The following CENPT variants were observed in gnomAD, a reference collection of about 807,000 sequenced individuals.
The protein encoded by CENPT is interphase centromere complex protein 22.
A neutral mutation model predicts 59.7 loss-of-function variants in CENPT; 42 were observed. That is an observed-to-expected ratio of 0.70 (90% CI 0.55 to 0.91). The LOEUF (loss-of-function observed/expected upper bound fraction) is 0.91. Among genes scored for constraint, CENPT ranks in the 40% least tolerant of loss-of-function variants. CENPT has a pLI of 0.00. For missense variants in CENPT, 716 were observed against 713.4 expected (o/e 1.00, Z -0.04); for synonymous variants, 295 against 289.6 (o/e 1.02, Z -0.19).
intron 12 of CENPT, 71 bp downstream of exon 12, chr16:67,829,694 G>C (rs2057663139): frequency 1.3e-6 from 2 of 1,518,386 alleles, no homozygotes; most frequent in East Asian, 4.5e-5. Flanking sequence ...ACACAACCCA[G>C]ACAAGGCCTT....
chr16:67,838,530 G>A (rs2057744619), intron 1 of CENPT, among the ~76,000 whole-genome samples: 2 of 151,864 alleles, frequency 1.3e-5, no homozygotes, highest in African/African-American at 4.8e-5. Context: ...GCTGAGGCAG[G>A]AGAATGGCTT....
chr16:67,841,190 T>C (rs188574124), intron 1 of CENPT, among the ~76,000 whole-genome samples: 310 of 70,024 alleles, frequency 4.4e-3, no homozygotes, highest in Non-Finnish European at 5.9e-3. Flanking sequence ...TGAGACTCCT[T>C]TACAAAAAAA....
At chr16:67,845,907 G>A (rs2057794692) in intron 1 of CENPT, among the ~76,000 whole-genome samples, 1 of 152,214 alleles carries the variant, frequency 6.6e-6, no homozygotes, top group African/African-American at 2.4e-5. Flanking sequence ...CCTGTGGGTG[G>A]GGGAAGGTGC....
At chr16:67,837,409 G>C (rs1053747932) in intron 1 of CENPT, among the ~76,000 whole-genome samples, 7 of 144,018 alleles carry the variant, frequency 4.9e-5, no homozygotes, top group African/African-American at 1.8e-4. Flanking sequence ...TTTCAAAAAA[G>C]ATTAAAACAT....
Position 67,841,010 on chromosome 16 carries a change from C to CAT in CENPT, c.-491-5354_-491-5353dup, listed in dbSNP as rs66882634. On this transcript the variant is annotated intron_variant, in intron 1 of 15. Transcript: ENST00000562787. Reference sequence around the variant, plus strand: ...CCCCGTCTCTACTAAATACAAAATACATATATATATATATATATATATATA... The same window carrying CAT: ...CCCCGTCTCTACTAAATACAAAATACATATATATATATATATATATATATATA... Among the ~76,000 whole-genome samples the CAT allele has an allele frequency of 7.2e-3, 792 of 109,288 alleles. 2 individuals are homozygous for CAT. The highest frequency in any genetic ancestry group is 0.01 in the Middle Eastern group (2 of 200). The allele number at this position is 109,288 out of a possible 152,430, so 71.7% of individuals were successfully genotyped here.
chr16:67,835,922 A>T (rs2151287157), intron 1 of CENPT, among the ~76,000 whole-genome samples: 2 of 151,424 alleles, frequency 1.3e-5, no homozygotes, highest in East Asian at 3.9e-4. Context: ...ACGCCCAGCT[A>T]ATTTTTGTAT....
In CENPT at chr16:67,842,525, G is replaced by T; in HGVS notation, c.-492+4876C>A. On this transcript the variant is annotated intron_variant, in intron 1 of 15. Coordinates refer to ENST00000562787, the MANE Select transcript of CENPT (RefSeq NM_025082.4). The surrounding 1 kb of genome is among the most constrained non-coding windows in gnomAD (Gnocchi z 4.9). ...GGCCGTCGAAGAGCGCAGGAGGCCG[G>T]TGGGCCGGGCCGGGCCGCGCGGCGC... 1 of 1,475,762 alleles carries T rather than the reference G, an allele frequency of 6.8e-7. No individual in the cohort carries two copies. The highest frequency in any genetic ancestry group is 1.3e-5 in the South Asian group (1 of 74,098). 91.4% of individuals were successfully genotyped at this position (1,475,762 alleles called of 1,614,324 possible).
chr16:67,830,103 G>A lies in CENPT; in HGVS notation c.863-15C>T. ...TTTCCCAGGGCCTGAGTGAAGGGGA[G>A]AGAATACAGGCCGGAGACGCAGCAG... On this transcript the variant is annotated splice_polypyrimidine_tract_variant and intron_variant, in intron 11 of 15. Transcript: ENST00000562787. The A allele has an allele frequency of 6.2e-7, 1 of 1,612,410 alleles. No homozygotes were observed. Among genetic ancestry groups the A allele is most frequent in the East Asian group, 2.2e-5 (1 of 44,878 alleles).
chr16:67,830,998 A>G (rs2057681756), intron 10 of CENPT: 6 of 631,730 alleles, frequency 9.5e-6, no homozygotes, highest in South Asian at 1.9e-5. Flanking sequence ...CTCCAGCCCT[A>G]TAGTCTAAGG....
Position 67,831,860 on chromosome 16 carries a change from G to C in CENPT, c.417C>G (p.Pro139=). The stretch of plus-strand genomic sequence containing the variant: ...GCAGACCTGGAGCCAGGGTTGTGGG[G>C]GGCTCGAGCTCAGGAAGTTGCAGCT... The part of the protein sequence containing the change: ...SLELQLPELE[P]PTTLAPGLLA... Residue 139 remains proline (P), a synonymous_variant, in exon 8 of 16, where the codon CCC becomes CCG. Transcript: ENST00000562787. 6.2e-7 allele frequency: 1 copy of C among 1,611,754 alleles called. No individual in the cohort carries two copies. The highest frequency in any genetic ancestry group is 8.5e-7 in the Non-Finnish European group (1 of 1,179,312).
Position 67,842,635 on chromosome 16 carries a change from A to G in CENPT, c.-492+4766T>C, listed in dbSNP as rs763532068. ...AGGCGCTGCACTTCTACACGTTTCC[A>G]AAGGACGCTGAGTTGCGGCGCCTCT... On this transcript the variant is annotated intron_variant, in intron 1 of 15. Coordinates refer to ENST00000562787, the MANE Select transcript of CENPT (RefSeq NM_025082.4). This position sits in a 1 kb window ranked among gnomAD's most constrained non-coding sequence, Gnocchi z 4.9. The G allele has an allele frequency of 4.9e-5, 76 of 1,553,522 alleles. No homozygotes were observed. The highest frequency in any genetic ancestry group is 6.2e-5 in the Non-Finnish European group (71 of 1,148,180).
chr16:67,830,404 C>T lies in CENPT; in HGVS notation c.848G>A (p.Gly283Glu). The change falls in exon 11 of 16, where the codon GGG (glycine) becomes GAG (glutamate). Residue 283 changes from glycine to glutamate, a missense_variant. Transcript: ENST00000562787. ...CACACACTCACTATTCTTCTGCAGC[C>T]CAGGCCCACTGCTCTGTGTCTTGCG... ...AGRKTQSSGP[G>E]LQKNSPGKPA... is the part of the protein sequence containing the mutation. 1.2e-6 allele frequency: 2 copies of T among 1,610,844 alleles called. No homozygotes were observed. Among genetic ancestry groups the T allele is most frequent in the Non-Finnish European group, 1.7e-6 (2 of 1,178,824 alleles).
At position 67,843,154 on chromosome 16, in the gene CENPT, G is replaced by A. The variant is rs1260483865; in HGVS notation, c.-492+4247C>T. ...TGCAAGTGGAGTTTGCAGCCGCAGA[G>A]GGCGCAGCCGCTGCGGCCGCCGCGT... is the stretch of plus-strand genomic sequence containing the variant. On this transcript the variant is annotated intron_variant, in intron 1 of 15. Transcript: ENST00000562787. The surrounding 1 kb of genome is among the most constrained non-coding windows in gnomAD (Gnocchi z 5.7). 2 of 1,609,582 alleles carry A rather than the reference G, an allele frequency of 1.2e-6. No homozygotes were observed. The highest frequency in any genetic ancestry group is 8.5e-7 in the Non-Finnish European group (1 of 1,179,424).
At chr16:67,846,626 C>G (rs966914652) in intron 1 of CENPT, 1 of 152,424 alleles carries the variant, frequency 6.6e-6, no homozygotes, top group African/African-American at 2.4e-5. Flanking sequence ...AGTGCACAGA[C>G]TGGGCGGGGC....
Position 67,842,496 on chromosome 16 carries a change from A to G in CENPT, c.-492+4905T>C, listed in dbSNP as rs2057768749. The G allele has an allele frequency of 1.5e-6, 2 of 1,363,792 alleles. No individual in the cohort carries two copies. Among genetic ancestry groups the G allele is most frequent in the South Asian group, 1.6e-5 (1 of 62,268 alleles). The allele number at this position is 1,363,792 out of a possible 1,614,324, so 84.5% of individuals were successfully genotyped here. A position where few individuals can be genotyped will look rare whatever the true frequency, so the allele number is the denominator to read the frequency against. ...TCGAGGGGCGGGCGGCGGCGTAGCC[A>G]CTGGGCCGTCGAAGAGCGCAGGAGG... On this transcript the variant is annotated intron_variant, in intron 1 of 15. Transcript: ENST00000562787. The surrounding 1 kb of genome is among the most constrained non-coding windows in gnomAD (Gnocchi z 4.9).
intron 3 of CENPT, among the ~76,000 whole-genome samples, chr16:67,834,417 G>A (rs1397203692): frequency 6.6e-6 from 1 of 152,108 alleles, no homozygotes; most frequent in Non-Finnish European, 1.5e-5. Flanking sequence ...AGAGCAGCCT[G>A]GGCAACACAG....
In CENPT at chr16:67,841,010, C is replaced by CATATATATATATATATATAT. The variant is rs66882634; in HGVS notation, c.-491-5372_-491-5353dup. On this transcript the variant is annotated intron_variant, in intron 1 of 15. Transcript: ENST00000562787. ...CCCCGTCTCTACTAAATACAAAATA[C>CATATATATATATATATATAT]ATATATATATATATATATATATATA... Among the ~76,000 whole-genome samples the CATATATATATATATATATAT allele has an allele frequency of 6.9e-4, 75 of 109,370 alleles. 1 individual carries two copies. The highest frequency in any genetic ancestry group is 9.5e-4 in the African/African-American group (27 of 28,364). The allele number at this position is 109,370 out of a possible 152,430, so 71.8% of individuals were successfully genotyped here. A position where few individuals can be genotyped will look rare whatever the true frequency, so the allele number is the denominator to read the frequency against.
rs756042004 is a variant in CENPT at position 67,832,154 on chromosome 16, C to G, written c.290-46G>C. 5 of 1,608,286 alleles carry G rather than the reference C, an allele frequency of 3.1e-6. No homozygotes were observed. In the South Asian group the frequency reaches 3.3e-5, roughly 11 times the overall value. ...GGGTGGGGCTGACAGAACAGGCCAC[C>G]CTGAATAAAAGATACCACAAGACTG... On this transcript the variant is annotated intron_variant, in intron 6 of 15. Transcript: ENST00000562787.
rs2057768731 is a variant in CENPT, at chr16:67,842,490, G to A, written c.-492+4911C>T. On this transcript the variant is annotated intron_variant, in intron 1 of 15. Transcript: ENST00000562787. The surrounding 1 kb of genome is among the most constrained non-coding windows in gnomAD (Gnocchi z 4.9). ...CGCCCGTCGAGGGGCGGGCGGCGGC[G>A]TAGCCACTGGGCCGTCGAAGAGCGC... is the stretch of plus-strand genomic sequence containing the variant. 7.9e-7 allele frequency: 1 copy of A among 1,258,602 alleles called. No homozygotes were observed. Among genetic ancestry groups the A allele is most frequent in the Non-Finnish European group, 1.0e-6 (1 of 995,686 alleles). 78.0% of individuals were successfully genotyped at this position (1,258,602 alleles called of 1,614,324 possible).
Sources: allele counts gnomAD v4.1 joint callset (sites outside exome capture counted in the v4.1 genomes callset), GRCh38; gene constraint gnomAD v4.1.1; non-coding constraint Gnocchi (gnomAD v3.1); transcripts MANE v1.5; gene names NCBI Gene and HGNC (gene_info 2026-07-23, HGNC 2026-07-21).